Variants in MDN1 observed in about 807,000 individuals in gnomAD.
MDN1 encodes the protein midasin.
In MDN1, 266 loss-of-function variants were observed where a neutral mutation model predicts 669.2. The observed-to-expected ratio is 0.40, with a 90% CI of 0.36 to 0.44. MDN1 has a LOEUF of 0.44. Ranked by LOEUF, MDN1 falls within the 20% of genes least tolerant of loss-of-function variation. The pLI, the probability that MDN1 is intolerant of heterozygous loss-of-function variation, is 1.00. For synonymous variants in MDN1, 2,385 were observed against 2,457.1 expected (o/e 0.97, Z 0.87); for missense variants, 5,940 against 6,754.0 (o/e 0.88, Z 4.22).
chr6:89,689,322 G>T (rs1812226326), intron 65 of MDN1, among the ~76,000 whole-genome samples: 1 of 152,200 alleles, frequency 6.6e-6, no homozygotes, highest in African/African-American at 2.4e-5. Context: ...TAAACAAATG[G>T]TGTAGGGGTT....
rs1018725994 is a variant in MDN1, at chr6:89,696,992, G to T, written c.9169-418C>A. Among the ~76,000 whole-genome samples the T allele has an allele frequency of 2.0e-5, 3 of 152,272 alleles. No homozygotes were observed. The South Asian group carries it at 6.2e-4, about 32-fold the overall frequency. On this transcript the variant is annotated intron_variant, in intron 59 of 101. Coordinates refer to ENST00000369393, the MANE Select transcript of MDN1 (RefSeq NM_014611.3). ...ACAGTAATAGCTGTCCACAGCAAAG[G>T]GTTGTCAAAGGGTGACAGCCAAATG...
chr6:89,714,570 G>A lies in MDN1; in HGVS notation c.7042C>T (p.His2348Tyr). 6.2e-7 allele frequency: 1 copy of A among 1,612,318 alleles called. No individual in the cohort carries two copies. The highest frequency in any genetic ancestry group is 8.5e-7 in the Non-Finnish European group (1 of 1,179,038). Residue 2348 changes from histidine to tyrosine, a missense_variant, in exon 46 of 102, where the codon CAC (histidine) becomes TAC (tyrosine). Physicochemically the swap from His to Tyr is moderately conservative, Grantham distance 83. Transcript: ENST00000369393. The stretch of plus-strand genomic sequence containing the variant: ...ACAACAGTGCTCCGGGTCTCTGTGT[G>A]TAAAGCCAAGAGGATGTCACATACA... ...NSVCDILLAL[H>Y]TETRSTVVGS...
chr6:89,691,704 C>G (rs1812390053), intron 63 of MDN1, among the ~76,000 whole-genome samples: 1 of 152,156 alleles, frequency 6.6e-6, no homozygotes, highest in Non-Finnish European at 1.5e-5. Context: ...AAAATAATCA[C>G]TATACATGAA....
chr6:89,680,654 A>G lies in MDN1; in HGVS notation c.12200T>C (p.Met4067Thr), dbSNP rs1375399932. The G allele has an allele frequency of 6.2e-7, 1 of 1,614,182 alleles. No homozygotes were observed. The highest frequency in any genetic ancestry group is 1.7e-5 in the Admixed American group (1 of 60,024). The change falls in exon 74 of 102, where the codon ATG (methionine) becomes ACG (threonine). Residue 4067 changes from methionine to threonine, a missense_variant. Around this residue, in one of 5 missense-constraint regions of MDN1, gnomAD observed 2,280 missense variants for 2,576.3 expected, o/e 0.88. Coordinates refer to ENST00000369393, the MANE Select transcript of MDN1 (RefSeq NM_014611.3). Reference sequence around the variant, plus strand: ...GCTCTCCTTCATGAACGTCAGGCACATCTTCCTCATGCGTTTCCTGAGCTT... The same window carrying G: ...GCTCTCCTTCATGAACGTCAGGCACGTCTTCCTCATGCGTTTCCTGAGCTT... ...LPKLRKRMRK[M>T]CLTFMKESPL...
At chr6:89,703,927 C>T (rs1288298108) in intron 53 of MDN1, among the ~76,000 whole-genome samples, 1 of 149,146 alleles carries the variant, frequency 6.7e-6, no homozygotes, top group African/African-American at 2.5e-5. Flanking sequence ...GCAGGAGAAT[C>T]ACTTGAAACC....
At chr6:89,650,582 C>A in intron 96 of MDN1, 150 bp downstream of exon 96, 1 of 621,460 alleles carries the variant, frequency 1.6e-6, no homozygotes, top group South Asian at 2.0e-5. Context: ...AATAGGAAAA[C>A]AGGGTAAGGA....
chr6:89,803,244 C>T, intron 2 of MDN1, 84 bp downstream of exon 2: 3 of 1,175,006 alleles, frequency 2.6e-6, no homozygotes, highest in Non-Finnish European at 3.8e-6. Context: ...GTTTTACCTT[C>T]TCAGCTCAGA....
At chr6:89,758,453 G>A (rs1817367922) in intron 18 of MDN1, 102 bp from the exon 19 acceptor site, 1 of 933,666 alleles carries the variant, frequency 1.1e-6, no homozygotes, top group African/African-American at 1.7e-5. Context: ...CACCATCCTT[G>A]TCTTTTCTGA....
At chr6:89,744,689 C>A (rs989895479) in intron 29 of MDN1, among the ~76,000 whole-genome samples, 1 of 151,970 alleles carries the variant, frequency 6.6e-6, no homozygotes, top group Non-Finnish European at 1.5e-5. Flanking sequence ...AGGCATGAAC[C>A]ACCACAACCA....
rs370691129 is a variant in MDN1, at chr6:89,734,691, A to ACGAGAGAGAGAG, written c.4724-1917_4724-1916insCTCTCTCTCTCG. On this transcript the variant is annotated intron_variant, in intron 33 of 101. Coordinates refer to ENST00000369393, the MANE Select transcript of MDN1 (RefSeq NM_014611.3). The stretch of plus-strand genomic sequence containing the variant: ...AGAAGAAAAAAAAAAAAAAAAAAAC[A>ACGAGAGAGAGAG]AGAGAGAGAGAGAGAGAGAGAGAGA... Among the ~76,000 whole-genome samples, 148 of 112,974 alleles carry ACGAGAGAGAGAG rather than the reference A, an allele frequency of 1.3e-3. 4 individuals carry two copies. Among genetic ancestry groups the ACGAGAGAGAGAG allele is most frequent in the African/African-American group, 4.0e-3 (115 of 28,862 alleles). 74.1% of individuals were successfully genotyped at this position (112,974 alleles called of 152,430 possible). A position where few individuals can be genotyped will look rare whatever the true frequency, so the allele number is the denominator to read the frequency against.
chr6:89,658,505 C>A, intron 89 of MDN1, 105 bp downstream of exon 89: 1 of 1,524,504 alleles, frequency 6.6e-7, no homozygotes, highest in Non-Finnish European at 8.9e-7. Flanking sequence ...TCGGAAGTGC[C>A]ACATGTTGAT....
intron 45 of MDN1, 133 bp from the exon 46 acceptor site, chr6:89,714,884 C>T (rs1814220775): frequency 2.0e-5 from 14 of 716,616 alleles, no homozygotes; most frequent in East Asian, 1.1e-4. Context: ...GGATCTTTTA[C>T]TTCTAGCATG....
chr6:89,646,647 G>A, intron 99 of MDN1, 44 bp from the exon 100 acceptor site: 1 of 1,502,836 alleles, frequency 6.7e-7, no homozygotes, highest in Non-Finnish European at 9.3e-7. Context: ...CTATGTGAAT[G>A]CTCTTCTCAT....
intron 27 of MDN1, 22 bp from the exon 28 acceptor site, chr6:89,745,648 G>C (rs774154451): frequency 1.9e-6 from 3 of 1,609,014 alleles, no homozygotes; most frequent in Non-Finnish European, 2.5e-6. Flanking sequence ...AGGAGGAAAA[G>C]GAGGAGAGGA....
chr6:89,729,508 T>C (rs1024600634), intron 35 of MDN1, among the ~76,000 whole-genome samples: 1 of 152,210 alleles, frequency 6.6e-6, no homozygotes, highest in Admixed American at 6.5e-5. Context: ...GCTAGGCATA[T>C]GGGCCACATG....
intron 45 of MDN1, 109 bp downstream of exon 45, chr6:89,715,544 C>T: frequency 4.1e-6 from 3 of 731,154 alleles, no homozygotes; most frequent in Admixed American, 2.0e-5. Context: ...GGGTGAACTT[C>T]TCCATGATTC....
At chr6:89,691,057 C>G (rs1312035247) in intron 63 of MDN1, among the ~76,000 whole-genome samples, 2 of 152,174 alleles carry the variant, frequency 1.3e-5, no homozygotes, top group Non-Finnish European at 2.9e-5. Flanking sequence ...CCTGCTGTGT[C>G]ATTGTAATTT....
chr6:89,667,593 A>G (rs746532821), intron 84 of MDN1, among the ~76,000 whole-genome samples: 2 of 152,200 alleles, frequency 1.3e-5, no homozygotes, highest in Non-Finnish European at 2.9e-5. Context: ...AAAAAAGGAT[A>G]CAGATTTTTT....
intron 17 of MDN1, among the ~76,000 whole-genome samples, chr6:89,761,290 A>G (rs1387473480): frequency 6.6e-6 from 1 of 152,236 alleles, no homozygotes. Context: ...GTACATTTCA[A>G]AATTACTAAG....
Sources: gnomAD v4.1 joint callset for allele counts (sites outside exome capture counted in the v4.1 genomes callset) on GRCh38, gnomAD v4.1.1 for gene constraint, gnomAD v4.1.1 regional missense constraint, MANE v1.5 for transcripts, NCBI Gene and HGNC (gene_info 2026-07-23, HGNC 2026-07-21) for gene names.